The following APTX variants were observed in gnomAD, a reference collection of about 807,000 sequenced individuals.
APTX encodes forkhead-associated domain histidine triad-like protein.
APTX carries 33 observed loss-of-function variants against 42.3 expected under a neutral mutation model. That is an observed-to-expected ratio of 0.78 (90% CI 0.59 to 1.04). The LOEUF is 1.04. APTX is among the 50% of genes least tolerant of loss of function. The probability of loss-of-function intolerance (pLI) is 0.00; values close to 1 mark genes in which losing one functional copy is unlikely to be tolerated. For missense variants in APTX, 421 were observed against 415.1 expected (o/e 1.01, Z -0.12); for synonymous variants, 130 against 146.7 (o/e 0.89, Z 0.82).
chr9:32,980,796 T>C (rs1398373723), intron 6 of APTX, among the ~76,000 whole-genome samples: 2 of 152,184 alleles, frequency 1.3e-5, no homozygotes, highest in East Asian at 3.8e-4. Context: ...TGTTACTTAC[T>C]GAGATAAAGA....
intron 1 of APTX, chr9:33,016,097 T>C (rs377143173): frequency 6.6e-6 from 1 of 152,238 alleles, no homozygotes. Context: ...ACCAAGAGTC[T>C]GAGATTTTGA....
In APTX at chr9:33,008,713, G is replaced by A. The variant is rs549096026; in HGVS notation, c.-5+16310C>T. 4.1e-3 allele frequency among the ~76,000 whole-genome samples: 631 copies of A among 152,162 alleles called. 6 individuals are homozygous for A. The highest frequency in any genetic ancestry group is 0.015 in the African/African-American group (602 of 41,510). ...ATTACAGGCATGTGCCACCATGCCCGGCTAATTTTTGTATTTTTAGTAGAG... is the reference window on the plus strand; with the variant it reads ...ATTACAGGCATGTGCCACCATGCCCAGCTAATTTTTGTATTTTTAGTAGAG... On this transcript the variant is annotated intron_variant, in intron 1 of 6. Transcript: ENST00000436040.
At chr9:32,978,804 C>G (rs1441330989) in intron 6 of APTX, among the ~76,000 whole-genome samples, 2 of 152,262 alleles carry the variant, frequency 1.3e-5, no homozygotes, top group Admixed American at 1.3e-4. Flanking sequence ...CCCTTAACTA[C>G]AAGCCAGATG....
intron 1 of APTX, among the ~76,000 whole-genome samples, chr9:32,992,938 C>T (rs1833972887): frequency 6.6e-6 from 1 of 152,160 alleles, no homozygotes; most frequent in Admixed American, 6.5e-5. Context: ...CTTTTAAATG[C>T]TATGCGTTCC....
At chr9:32,978,016 TC>T (rs1471425324) in intron 6 of APTX, among the ~76,000 whole-genome samples, 2 of 152,188 alleles carry the variant, frequency 1.3e-5, no homozygotes, top group Non-Finnish European at 2.9e-5. Context: ...AATTACAAAA[TC>T]CATCCTTTTT....
chr9:33,001,352 G>C (rs777070940), intron 1 of APTX: 3 of 1,528,538 alleles, frequency 2.0e-6, no homozygotes, highest in Non-Finnish European at 2.6e-6. Context: ...GAGCACACGT[G>C]AACAAACGCA....
intron 1 of APTX, among the ~76,000 whole-genome samples, chr9:33,011,158 A>C (rs2119229609): frequency 6.6e-6 from 1 of 151,774 alleles, no homozygotes; most frequent in East Asian, 1.9e-4. Context: ...AAAGAAAAAA[A>C]AAAGTGGTGA....
At chr9:32,984,537 C>T (rs1831427115) in intron 6 of APTX, 94 bp downstream of exon 6, 1 of 1,282,532 alleles carries the variant, frequency 7.8e-7, no homozygotes, top group South Asian at 1.2e-5. Context: ...TTCCCTGGGT[C>T]TCAGTGCAAT....
chr9:33,001,722 G>A (rs1415853623), upstream of APTX: 2 of 1,379,934 alleles, frequency 1.4e-6, no homozygotes, highest in East Asian at 2.5e-5. Context: ...CCACTTCCCA[G>A]ATCAAAAAGC....
rs1360752149 is a variant in APTX, at chr9:32,972,755, G to C, written c.*743C>G. The C allele has an allele frequency of 8.8e-6, 4 of 454,110 alleles. No individual in the cohort carries two copies. The highest frequency in any genetic ancestry group is 1.8e-5 in the Non-Finnish European group (4 of 226,800). The allele number at this position is 454,110 out of a possible 1,614,324, so 28.1% of individuals were successfully genotyped here. On this transcript the variant is annotated 3_prime_UTR_variant, in exon 8 of 8. Coordinates refer to ENST00000379817, the MANE Select transcript of APTX (RefSeq NM_001195248.2). The stretch of plus-strand genomic sequence containing the variant: ...TTCAATAGTTTCCACCTACTTAAGA[G>C]AGATGCCTCAAACAAATTAACTTTA...
intron 1 of APTX, among the ~76,000 whole-genome samples, chr9:33,011,102 C>T (rs566611220): frequency 6.6e-6 from 1 of 150,808 alleles, no homozygotes; most frequent in Non-Finnish European, 1.5e-5. Flanking sequence ...GAGATCGTGC[C>T]ACTGCACTAC....
intron 1 of APTX, among the ~76,000 whole-genome samples, chr9:32,993,138 A>G (rs1834028132): frequency 6.6e-6 from 1 of 152,216 alleles, no homozygotes. Flanking sequence ...AGCAGAGAGC[A>G]TGGCTGGCAG....
At chr9:33,017,626 G>C (rs778519455) in intron 1 of APTX, among the ~76,000 whole-genome samples, 1 of 152,180 alleles carries the variant, frequency 6.6e-6, no homozygotes, top group Non-Finnish European at 1.5e-5. Context: ...AACCGCCTTA[G>C]AGTCAATAAT....
intron 1 of APTX, among the ~76,000 whole-genome samples, chr9:32,994,088 A>T (rs757363826): frequency 6.6e-6 from 1 of 152,138 alleles, no homozygotes; most frequent in Non-Finnish European, 1.5e-5. Context: ...TCCTTAAAGA[A>T]CTCAAGTGAT....
chr9:33,000,090 T>C (rs1835900435), intron 1 of APTX, among the ~76,000 whole-genome samples: 1 of 152,302 alleles, frequency 6.6e-6, no homozygotes, highest in Admixed American at 6.5e-5. Context: ...AATTCAAACA[T>C]TGGTTCTACC....
Position 33,014,865 on chromosome 9 carries a change from T to C in APTX, c.-5+10158A>G, listed in dbSNP as rs114686389. Among the ~76,000 whole-genome samples, 417 of 152,346 alleles carry C rather than the reference T, an allele frequency of 2.7e-3. 2 individuals carry two copies. The highest frequency in any genetic ancestry group is 9.6e-3 in the African/African-American group (401 of 41,578). ...GGACACTGCTCCTCACATAACACAA[T>C]GTGCTCTTTATAAGCATCCCTGGGA... On this transcript the variant is annotated intron_variant, in intron 1 of 6. Transcript: ENST00000436040.
upstream of APTX, among the ~76,000 whole-genome samples, chr9:33,006,199 T>C (rs375380398): frequency 1.1e-4 from 16 of 152,138 alleles, no homozygotes; most frequent in Admixed American, 5.9e-4. Flanking sequence ...GTCAGGAGGA[T>C]TGCTTGAGGC....
chr9:33,009,424 A>G (rs1286601827), intron 1 of APTX, among the ~76,000 whole-genome samples: 2 of 151,990 alleles, frequency 1.3e-5, no homozygotes, highest in African/African-American at 2.4e-5. Context: ...TGTTCGTGCT[A>G]TTCTTTCTGG....
chr9:32,985,890 G>C, intron 5 of APTX, 81 bp downstream of exon 5: 1 of 1,254,656 alleles, frequency 8.0e-7, no homozygotes, highest in Non-Finnish European at 1.2e-6. Context: ...GATATCCTTT[G>C]ATTTCATTTG....
Sources: gnomAD v4.1 joint callset for allele counts (sites outside exome capture counted in the v4.1 genomes callset) on GRCh38, gnomAD v4.1.1 for gene constraint, MANE v1.5 for transcripts, NCBI Gene and HGNC (gene_info 2026-07-23, HGNC 2026-07-21) for gene names.